The following ZBBX variants were observed in gnomAD, a reference collection of about 807,000 sequenced individuals.
ZBBX encodes the protein zinc finger B-box domain-containing protein 1.
Under a neutral mutation model 108.5 loss-of-function variants are expected in ZBBX, and 101 were observed. That is an observed-to-expected ratio of 0.93 (90% CI 0.79 to 1.10). The LOEUF (loss-of-function observed/expected upper bound fraction) is 1.10, where lower values mean the gene tolerates loss of function less well. Among genes scored for constraint, ZBBX ranks in the 50% least tolerant of loss-of-function variants. ZBBX has a pLI of 0.00. For missense variants in ZBBX, 1,009 were observed against 941.4 expected (o/e 1.07, Z -0.94); for synonymous variants, 356 against 323.4 (o/e 1.10, Z -1.08).
chr3:167,299,207 A>G (rs563243166), intron 17 of ZBBX, among the ~76,000 whole-genome samples: 2 of 152,210 alleles, frequency 1.3e-5, no homozygotes, highest in East Asian at 1.9e-4. Context: ...TCAGTTTTTA[A>G]TAATTCCGTA....
rs142947602 is a variant in ZBBX, at chr3:167,320,857, C to T, written c.983+1260G>A. Among the ~76,000 whole-genome samples the T allele has an allele frequency of 2.8e-3, 433 of 151,962 alleles. 2 individuals are homozygous for T. Among genetic ancestry groups the T allele is most frequent in the African/African-American group, 9.9e-3 (412 of 41,488 alleles). The stretch of plus-strand genomic sequence containing the variant: ...CCCAAATTGAGCACATTCTATGAAA[C>T]ACCTGGCAAGTACTCTTCAAAAGTG... On this transcript the variant is annotated intron_variant, in intron 12 of 21. Transcript: ENST00000675490.
chr3:167,339,953 G>T (rs936292429), intron 9 of ZBBX, among the ~76,000 whole-genome samples: 1 of 152,004 alleles, frequency 6.6e-6, no homozygotes, highest in Non-Finnish European at 1.5e-5. Flanking sequence ...TGAGAATGAT[G>T]GTTTCCGGCT....
At chr3:167,223,030 C>T in the ZBBX span, among the ~76,000 whole-genome samples, 1 of 151,890 alleles carries the variant, frequency 6.6e-6, no homozygotes, top group East Asian at 1.9e-4. Context: ...ATGCATGTCA[C>T]GTAATATCAT....
intron 17 of ZBBX, among the ~76,000 whole-genome samples, chr3:167,303,593 A>T (rs1045203611): frequency 1.3e-5 from 2 of 152,122 alleles, no homozygotes; most frequent in Non-Finnish European, 2.9e-5. Context: ...AATTACCTGA[A>T]TTTTTCTCTA....
the ZBBX span, among the ~76,000 whole-genome samples, chr3:167,218,619 A>T: frequency 2.6e-5 from 4 of 152,132 alleles, no homozygotes; most frequent in African/African-American, 9.7e-5. Context: ...AATAAAAAAT[A>T]CAACAGATAC....
intron 1 of ZBBX, among the ~76,000 whole-genome samples, chr3:167,398,854 AT>A (rs1446474548): frequency 6.6e-6 from 1 of 152,146 alleles, no homozygotes; most frequent in African/African-American, 2.4e-5. Context: ...TTAAGAAGTG[AT>A]TGGGTTATTA....
chr3:167,240,999 A>C, intron 21 of ZBBX, 80 bp from the exon 22 acceptor site: 1 of 1,505,888 alleles, frequency 6.6e-7, no homozygotes, highest in Non-Finnish European at 8.9e-7. Flanking sequence ...TCAATACTAC[A>C]TATGTTGGAG....
chr3:167,237,305 G>C (rs566303085), downstream of ZBBX, among the ~76,000 whole-genome samples: 1 of 151,784 alleles, frequency 6.6e-6, no homozygotes, highest in Non-Finnish European at 1.5e-5. Context: ...TAATTTGTCT[G>C]CAGCATGTGC....
the ZBBX span, among the ~76,000 whole-genome samples, chr3:167,233,703 CAGTT>C: frequency 6.6e-6 from 1 of 151,598 alleles, no homozygotes; most frequent in African/African-American, 2.4e-5. Context: ...AAATAGAAGT[CAGTT>C]AGAAATATAG....
At position 167,346,834 on chromosome 3, in the gene ZBBX, A is replaced by G. The variant is rs186333354; in HGVS notation, c.528+3586T>C. On this transcript the variant is annotated intron_variant, in intron 9 of 21. Coordinates refer to ENST00000675490, the MANE Select transcript of ZBBX (RefSeq NM_001199201.2). Reference sequence around the variant, plus strand: ...GCATAGGAAAATGATAAAAACAATAAGACAAAAAAGCATGTTGACTGAAAA... The same window carrying G: ...GCATAGGAAAATGATAAAAACAATAGGACAAAAAAGCATGTTGACTGAAAA... Among the ~76,000 whole-genome samples the G allele has an allele frequency of 3.9e-3, 586 of 152,082 alleles. 2 individuals are homozygous for G. Among genetic ancestry groups the G allele is most frequent in the Non-Finnish European group, 6.3e-3 (429 of 67,886 alleles).
intron 18 of ZBBX, among the ~76,000 whole-genome samples, chr3:167,289,564 G>A (rs1730290315): frequency 6.6e-6 from 1 of 152,180 alleles, no homozygotes; most frequent in Non-Finnish European, 1.5e-5. Context: ...CTTGCACTCT[G>A]GCTCGGATAC....
chr3:167,350,590 T>C, intron 8 of ZBBX, 75 bp from the exon 9 acceptor site: 1 of 1,061,898 alleles, frequency 9.4e-7, no homozygotes, highest in Non-Finnish European at 1.3e-6. Context: ...TGCATAAAGA[T>C]GTCTTGTTTT....
At chr3:167,282,928 T>C (rs1475020170) in intron 19 of ZBBX, among the ~76,000 whole-genome samples, 1 of 152,214 alleles carries the variant, frequency 6.6e-6, no homozygotes, top group African/African-American at 2.4e-5. Flanking sequence ...TGCCACTTCC[T>C]AGTAAACCAA....
At chr3:167,201,917 A>G in the ZBBX span, among the ~76,000 whole-genome samples, 2 of 152,158 alleles carry the variant, frequency 1.3e-5, no homozygotes, top group East Asian at 3.8e-4. Flanking sequence ...ATCTTCATCT[A>G]AACAGACCAC....
the ZBBX span, among the ~76,000 whole-genome samples, chr3:167,201,824 G>T: frequency 6.6e-6 from 1 of 151,942 alleles, no homozygotes; most frequent in African/African-American, 2.4e-5. Flanking sequence ...TGCCTGACGG[G>T]ATGGAAAATG....
At chr3:167,189,026 G>A in the ZBBX span, among the ~76,000 whole-genome samples, 1 of 152,182 alleles carries the variant, frequency 6.6e-6, no homozygotes. Flanking sequence ...ATTGAGAGAT[G>A]TATAGACATG....
chr3:167,224,312 T>C, the ZBBX span, among the ~76,000 whole-genome samples: 1 of 151,974 alleles, frequency 6.6e-6, no homozygotes, highest in African/African-American at 2.4e-5. Flanking sequence ...AAACATGATA[T>C]ATATCATTAC....
At chr3:167,234,621 A>C in the ZBBX span, among the ~76,000 whole-genome samples, 6 of 151,882 alleles carry the variant, frequency 4.0e-5, no homozygotes, top group African/African-American at 1.4e-4. Context: ...TGGTTTTACC[A>C]CATAATTCAA....
intron 20 of ZBBX, among the ~76,000 whole-genome samples, chr3:167,274,714 T>G (rs899772266): frequency 6.6e-6 from 1 of 152,208 alleles, no homozygotes; most frequent in Non-Finnish European, 1.5e-5. Flanking sequence ...CCCTTGAAAC[T>G]GCACGTCTCA....
Sources: allele counts gnomAD v4.1 joint callset (sites outside exome capture counted in the v4.1 genomes callset), GRCh38; gene constraint gnomAD v4.1.1; transcripts MANE v1.5; gene names NCBI Gene and HGNC (gene_info 2026-07-23, HGNC 2026-07-21).